The following SIPA1L3 variants were observed in gnomAD, a reference collection of about 807,000 sequenced individuals.
The protein encoded by SIPA1L3 is signal-induced proliferation-associated 1-like protein 3.
A neutral mutation model predicts 150.1 loss-of-function variants in SIPA1L3; 59 were observed. The observed-to-expected ratio is 0.39, with a 90% CI of 0.32 to 0.49. The LOEUF (loss-of-function observed/expected upper bound fraction) is 0.49, where lower values mean the gene tolerates loss of function less well. Ranked by LOEUF, SIPA1L3 falls within the 20% of genes least tolerant of loss-of-function variation. The probability of loss-of-function intolerance (pLI) is 0.86; values close to 1 mark genes in which losing one functional copy is unlikely to be tolerated. For missense variants in SIPA1L3, 2,211 were observed against 2,489.5 expected (o/e 0.89, Z 2.38); for synonymous variants, 1,070 against 1,077.6 (o/e 0.99, Z 0.14).
chr19:38,004,573 G>T (rs532169855), intron 1 of SIPA1L3, among the ~76,000 whole-genome samples: 2 of 152,146 alleles, frequency 1.3e-5, no homozygotes, highest in Non-Finnish European at 2.9e-5. Flanking sequence ...GCCAGGACCC[G>T]CTCAGGCTTG....
At chr19:37,965,248 C>G (rs1052112099) in intron 1 of SIPA1L3, among the ~76,000 whole-genome samples, 2 of 151,564 alleles carry the variant, frequency 1.3e-5, no homozygotes, top group African/African-American at 4.8e-5. Context: ...TTATCTGTTA[C>G]TCTCCTGAAA....
chr19:38,067,082 A>T, intron 2 of SIPA1L3, among the ~76,000 whole-genome samples: 1 of 152,042 alleles, frequency 6.6e-6, no homozygotes, highest in Non-Finnish European at 1.5e-5. Context: ...ACAAAAAAAA[A>T]TTAAAAATTA....
intron 1 of SIPA1L3, among the ~76,000 whole-genome samples, chr19:37,976,426 T>C (rs1427685473): frequency 6.6e-6 from 1 of 152,194 alleles, no homozygotes; most frequent in African/African-American, 2.4e-5. Context: ...CCGGCCAGTC[T>C]GGCAGAAAGT....
chr19:38,140,557 G>T (rs1354092399), intron 10 of SIPA1L3, among the ~76,000 whole-genome samples: 1 of 152,130 alleles, frequency 6.6e-6, no homozygotes, highest in Non-Finnish European at 1.5e-5. Flanking sequence ...CAGGTCTGTC[G>T]AGGACACTGG....
intron 1 of SIPA1L3, among the ~76,000 whole-genome samples, chr19:37,990,423 G>T (rs370865654): frequency 2.6e-5 from 4 of 152,194 alleles, no homozygotes; most frequent in Admixed American, 1.3e-4. Context: ...GCGGGGTCGT[G>T]GGGTGAATAC....
chr19:38,181,744 G>GT (rs1380490585), intron 15 of SIPA1L3, among the ~76,000 whole-genome samples: 4 of 151,552 alleles, frequency 2.6e-5, no homozygotes, highest in Non-Finnish European at 5.9e-5. Flanking sequence ...TACTGGGGAG[G>GT]TTGAAGCAGG....
rs955148435 is a variant in SIPA1L3, at chr19:38,042,797, A to G, written c.-311+13641A>G. On this transcript the variant is annotated intron_variant, in intron 2 of 21. Transcript: ENST00000222345. ...TGACCTTCCTGCGTGAGCTGTAACT[A>G]GTTCTCTCACATCCCCAGCTTGACC... 3.6e-4 allele frequency among the ~76,000 whole-genome samples: 55 copies of G among 152,222 alleles called. 1 individual carries two copies. Among genetic ancestry groups the G allele is most frequent in the Non-Finnish European group, 1.0e-4 (7 of 68,050 alleles).
Position 38,081,942 on chromosome 19 carries a change from C to A in SIPA1L3, c.377C>A (p.Pro126His), listed in dbSNP as rs755047348. 6 of 1,614,032 alleles carry A rather than the reference C, an allele frequency of 3.7e-6. No homozygotes were observed. The highest frequency in any genetic ancestry group is 3.3e-4 in the Middle Eastern group (2 of 6,084). Residue 126 changes from proline (P) to histidine (H), a missense_variant, in exon 3 of 22, where the codon CCC becomes CAC. Pro to His is a moderately conservative substitution (Grantham distance 77). Coordinates refer to ENST00000222345, the MANE Select transcript of SIPA1L3 (RefSeq NM_015073.3). ...AGGAGCATACAGAACGGACAGCCCC[C>A]CACCAGCACCCCGGCTTCCTCAGGG... ...SMRSIQNGQP[P>H]TSTPASSGSK...
At chr19:38,182,214 T>C (rs1568596950) in intron 15 of SIPA1L3, among the ~76,000 whole-genome samples, 2 of 150,378 alleles carry the variant, frequency 1.3e-5, no homozygotes, top group Non-Finnish European at 2.9e-5. Context: ...GGGCAGGAGG[T>C]AAGATCCCCA....
chr19:38,178,573 T>G (rs1168368852), intron 15 of SIPA1L3, among the ~76,000 whole-genome samples: 1 of 152,132 alleles, frequency 6.6e-6, no homozygotes, highest in Non-Finnish European at 1.5e-5. Flanking sequence ...CCTCCCAGAT[T>G]CATGCCATTC....
intron 1 of SIPA1L3, among the ~76,000 whole-genome samples, chr19:37,951,616 G>A (rs1002913740): frequency 2.0e-5 from 3 of 152,002 alleles, no homozygotes; most frequent in East Asian, 1.9e-4. Flanking sequence ...AAAAAGCCCC[G>A]GGCCAGGCGC....
chr19:37,942,054 CAGA>C (rs2046664276), intron 1 of SIPA1L3, among the ~76,000 whole-genome samples: 9 of 152,208 alleles, frequency 5.9e-5, no homozygotes, highest in Admixed American at 5.9e-4. Context: ...CTCCTGGGGG[CAGA>C]AGATTTATTG....
chr19:38,159,410 T>C, intron 13 of SIPA1L3, among the ~76,000 whole-genome samples: 1 of 152,132 alleles, frequency 6.6e-6, no homozygotes, highest in Admixed American at 6.6e-5. Flanking sequence ...AGCAGTGACC[T>C]CCTCCCCCTC....
chr19:38,189,431 T>A (rs1972758851), intron 16 of SIPA1L3, among the ~76,000 whole-genome samples: 1 of 152,032 alleles, frequency 6.6e-6, no homozygotes, highest in African/African-American at 2.4e-5. Context: ...ATGCCTGACC[T>A]AAGTTTCTTG....
intron 1 of SIPA1L3, among the ~76,000 whole-genome samples, chr19:37,911,656 C>G (rs529520593): frequency 6.6e-6 from 1 of 151,708 alleles, no homozygotes; most frequent in Non-Finnish European, 1.5e-5. Context: ...GGACTACAGG[C>G]GCCCGCCACC....
intron 18 of SIPA1L3, among the ~76,000 whole-genome samples, chr19:38,194,558 A>AC (rs891981295): frequency 2.9e-4 from 44 of 152,258 alleles, no homozygotes; most frequent in African/African-American, 9.9e-4. Context: ...TGAGTTTGTT[A>AC]CATAATACAC....
At chr19:37,968,431 C>G (rs967710264) in intron 1 of SIPA1L3, among the ~76,000 whole-genome samples, 1 of 152,198 alleles carries the variant, frequency 6.6e-6, no homozygotes, top group Non-Finnish European at 1.5e-5. Flanking sequence ...CTATTCTTGC[C>G]TCCTCTATTC....
intron 2 of SIPA1L3, among the ~76,000 whole-genome samples, chr19:38,043,348 T>C (rs1968969021): frequency 6.6e-6 from 1 of 150,616 alleles, no homozygotes; most frequent in Non-Finnish European, 1.5e-5. Flanking sequence ...TCAAAATAAA[T>C]AAATAGTTAG....
chr19:37,943,689 C>T, intron 1 of SIPA1L3, among the ~76,000 whole-genome samples: 1 of 152,140 alleles, frequency 6.6e-6, no homozygotes, highest in East Asian at 1.9e-4. Context: ...TTATCACCTT[C>T]TCCAGAACTC....
Sources: allele counts gnomAD v4.1 joint callset (sites outside exome capture counted in the v4.1 genomes callset), GRCh38; gene constraint gnomAD v4.1.1; transcripts MANE v1.5; gene names NCBI Gene and HGNC (gene_info 2026-07-23, HGNC 2026-07-21).